The following CTNNA3 variants were observed in gnomAD, a reference collection of about 807,000 sequenced individuals.
CTNNA3 encodes the protein catenin alpha-3.
A neutral mutation model predicts 95.7 loss-of-function variants in CTNNA3; 76 were observed. That is an observed-to-expected ratio of 0.79 (90% CI 0.66 to 0.96). The LOEUF is 0.96. Ranked by LOEUF, CTNNA3 falls within the 40% of genes least tolerant of loss-of-function variation. The pLI is 0.00. For synonymous variants in CTNNA3, 431 were observed against 374.4 expected (o/e 1.15, Z -1.74); for missense variants, 1,191 against 1,089.8 (o/e 1.09, Z -1.31).
intron 5 of CTNNA3, among the ~76,000 whole-genome samples, chr10:67,403,660 A>G (rs1358376964): frequency 1.3e-5 from 2 of 152,162 alleles, no homozygotes; most frequent in African/African-American, 4.8e-5. Flanking sequence ...GTGCAAAACT[A>G]TATGGGGGTG....
intron 3 of CTNNA3, among the ~76,000 whole-genome samples, chr10:67,560,602 ACAT>A (rs1841471705): frequency 6.6e-6 from 1 of 152,224 alleles, no homozygotes; most frequent in African/African-American, 2.4e-5. Flanking sequence ...TAGGCAGCTA[ACAT>A]CATAATGACA....
At position 66,093,575 on chromosome 10, in the gene CTNNA3, T is replaced by C. The variant is rs1013606819; in HGVS notation, c.1977+9582A>G. Among the ~76,000 whole-genome samples the C allele has an allele frequency of 3.9e-5, 6 of 152,180 alleles. No individual in the cohort carries two copies. The East Asian group carries it at 1.2e-3, about 29-fold the overall frequency. On this transcript the variant is annotated intron_variant, in intron 14 of 17. Coordinates refer to ENST00000433211, the MANE Select transcript of CTNNA3 (RefSeq NM_013266.4). ...TCTGTCAGAAACACAAGGATCATTG[T>C]AGCAAATAAAAAGGATTGAGGTTCT...
intron 13 of CTNNA3, among the ~76,000 whole-genome samples, chr10:66,109,379 G>GTTTTGTGTATTGTAAGAAGT (rs2082031526): frequency 6.6e-6 from 1 of 152,160 alleles, no homozygotes; most frequent in African/African-American, 2.4e-5. Flanking sequence ...GTGAGAATCT[G>GTTTTGTGTATTGTAAGAAGT]TTTTGTGTAT....
At chr10:67,181,541 T>C (rs1051432648) in intron 6 of CTNNA3, among the ~76,000 whole-genome samples, 2 of 151,752 alleles carry the variant, frequency 1.3e-5, no homozygotes, top group Non-Finnish European at 2.9e-5. Context: ...ATTCTGAGTG[T>C]GAATCTACAC....
chr10:66,547,673 T>G (rs1842082127), intron 10 of CTNNA3, among the ~76,000 whole-genome samples: 1 of 151,994 alleles, frequency 6.6e-6, no homozygotes. Context: ...CTTATTAATT[T>G]GTGAAGTTCA....
At chr10:66,885,844 A>G (rs1845022806) in intron 7 of CTNNA3, among the ~76,000 whole-genome samples, 1 of 152,198 alleles carries the variant, frequency 6.6e-6, no homozygotes, top group South Asian at 2.1e-4. Context: ...TTAATGCTAT[A>G]AAAGGCCTTT....
At chr10:66,624,524 C>T (rs1844864465) in intron 9 of CTNNA3, among the ~76,000 whole-genome samples, 1 of 152,054 alleles carries the variant, frequency 6.6e-6, no homozygotes, top group African/African-American at 2.4e-5. Flanking sequence ...TTTCAAGAGC[C>T]ATGCAGGGGA....
intron 7 of CTNNA3, among the ~76,000 whole-genome samples, chr10:67,154,795 T>C (rs1175925030): frequency 2.0e-5 from 3 of 152,176 alleles, no homozygotes; most frequent in Non-Finnish European, 4.4e-5. Context: ...TCTAACACTA[T>C]ATGCCCCCTC....
At chr10:67,158,091 T>C (rs538904641) in intron 7 of CTNNA3, among the ~76,000 whole-genome samples, 2 of 152,034 alleles carry the variant, frequency 1.3e-5, no homozygotes, top group African/African-American at 4.8e-5. Flanking sequence ...TATGTAGACA[T>C]AGAGCCTACA....
At chr10:66,767,611 T>C (rs988659316) in intron 8 of CTNNA3, among the ~76,000 whole-genome samples, 5 of 151,892 alleles carry the variant, frequency 3.3e-5, no homozygotes, top group African/African-American at 1.2e-4. Context: ...AAATGTAATT[T>C]TTCTGTCAAA....
intron 7 of CTNNA3, among the ~76,000 whole-genome samples, chr10:67,082,881 C>G (rs1456182296): frequency 6.6e-6 from 1 of 152,092 alleles, no homozygotes; most frequent in African/African-American, 2.4e-5. Flanking sequence ...AGCAACTAAC[C>G]AGATTTTGTT....
intron 5 of CTNNA3, among the ~76,000 whole-genome samples, chr10:67,445,157 T>C (rs1846694078): frequency 6.7e-6 from 1 of 148,560 alleles, no homozygotes; most frequent in Admixed American, 6.7e-5. Context: ...AAAAGAAAAC[T>C]TGCAAGCTTA....
intron 10 of CTNNA3, among the ~76,000 whole-genome samples, chr10:66,595,456 G>A (rs1843683846): frequency 6.6e-6 from 1 of 151,740 alleles, no homozygotes; most frequent in East Asian, 1.9e-4. Flanking sequence ...CAATTCTCCT[G>A]CCTCAGCCTC....
Position 67,564,677 on chromosome 10 carries a change from G to GTATGTATATA in CTNNA3, c.293-25009_293-25008insTATATACATA, listed in dbSNP as rs1554854250. Among the ~76,000 whole-genome samples the GTATGTATATA allele has an allele frequency of 3.3e-3, 200 of 61,306 alleles. 14 individuals carry two copies. The highest frequency in any genetic ancestry group is 0.012 in the African/African-American group (188 of 15,660). 40.2% of individuals were successfully genotyped at this position (61,306 alleles called of 152,430 possible). A position where few individuals can be genotyped will look rare whatever the true frequency, so the allele number is the denominator to read the frequency against. ...TATATGCATATATGTGTGTGTGTGT[G>GTATGTATATA]TATATATATATATATATATATATAT... On this transcript the variant is annotated intron_variant, in intron 3 of 17. Transcript: ENST00000433211.
intron 11 of CTNNA3, among the ~76,000 whole-genome samples, chr10:66,419,066 A>C (rs762880079): frequency 2.6e-5 from 4 of 152,082 alleles, no homozygotes; most frequent in Non-Finnish European, 4.4e-5. Context: ...CAGATTCAAA[A>C]AGAGAAAGTC....
chr10:65,978,868 G>C (rs1033188718), intron 16 of CTNNA3, among the ~76,000 whole-genome samples: 1 of 152,222 alleles, frequency 6.6e-6, no homozygotes, highest in Middle Eastern at 3.4e-3. Context: ...TATGACAGCT[G>C]CTGTTTAGCA....
chr10:65,983,939 T>A (rs993454787), intron 16 of CTNNA3, among the ~76,000 whole-genome samples: 1 of 151,370 alleles, frequency 6.6e-6, no homozygotes, highest in Non-Finnish European at 1.5e-5. Context: ...CTAATCTAAT[T>A]GTTTCATTCT....
intron 13 of CTNNA3, among the ~76,000 whole-genome samples, chr10:66,231,943 T>TA (rs1309540075): frequency 6.6e-6 from 1 of 152,214 alleles, no homozygotes; most frequent in Non-Finnish European, 1.5e-5. Context: ...CTCAATGCTA[T>TA]ACTGCTACTG....
intron 9 of CTNNA3, among the ~76,000 whole-genome samples, chr10:66,644,889 T>C (rs991138239): frequency 7.9e-5 from 12 of 152,118 alleles, no homozygotes; most frequent in Non-Finnish European, 1.5e-4. Context: ...TATAACTATA[T>C]CCATCTCCCT....
Sources: allele counts gnomAD v4.1 joint callset (sites outside exome capture counted in the v4.1 genomes callset), GRCh38; gene constraint gnomAD v4.1.1; transcripts MANE v1.5; gene names NCBI Gene and HGNC (gene_info 2026-07-23, HGNC 2026-07-21).